LEPROTL1: variants seen among roughly 807,000 people sequenced by gnomAD.
LEPROTL1 encodes the protein leptin receptor overlapping transcript like 1.
In LEPROTL1, 6 loss-of-function variants were observed where a neutral mutation model predicts 15.4. The ratio of observed to expected loss-of-function variants is 0.39; its 90% CI spans 0.21 to 0.77. The LOEUF (loss-of-function observed/expected upper bound fraction) is 0.77. Among genes scored for constraint, LEPROTL1 ranks in the 30% least tolerant of loss-of-function variants. The pLI is 0.41. For synonymous variants in LEPROTL1, 56 were observed against 52.6 expected (o/e 1.06, Z -0.28); for missense variants, 128 against 158.1 (o/e 0.81, Z 1.02).
intron 3 of LEPROTL1, among the ~76,000 whole-genome samples, chr8:30,122,367 A>T (rs1802843172): frequency 6.6e-6 from 1 of 152,176 alleles, no homozygotes; most frequent in Admixed American, 6.5e-5. Context: ...GCTAGTCTCA[A>T]ACTCCTGTCC....
intron 1 of LEPROTL1, among the ~76,000 whole-genome samples, chr8:30,100,687 GATCCGCCC>G (rs1802451567): frequency 6.6e-6 from 1 of 152,194 alleles, no homozygotes; most frequent in African/African-American, 2.4e-5. Flanking sequence ...CCAACCTCAT[GATCCGCCC>G]GCCTTGGCCT....
rs1802341551 is a variant in LEPROTL1 at position 30,095,426 on chromosome 8, T to C, written c.-87T>C. 6 of 1,369,628 alleles carry C rather than the reference T, an allele frequency of 4.4e-6. No individual in the cohort carries two copies. The highest frequency in any genetic ancestry group is 5.8e-6 in the Non-Finnish European group (6 of 1,032,968). The allele number at this position is 1,369,628 out of a possible 1,614,324, so 84.8% of individuals were successfully genotyped here. On this transcript the variant is annotated 5_prime_UTR_variant, in exon 1 of 4. Transcript: ENST00000321250. ...GCGTCGCGCACTTCCGGGTGTTGTC[T>C]GGCCGCCGTAGCGCGTCTTGGGTCT...
Position 30,096,387 on chromosome 8 carries a change from G to T in LEPROTL1, c.16+859G>T, listed in dbSNP as rs923224882. On this transcript the variant is annotated intron_variant, in intron 1 of 3. Coordinates refer to ENST00000321250, the MANE Select transcript of LEPROTL1 (RefSeq NM_015344.3). ...ACTAATTACATTGATTTCTTGACCT[G>T]CCGCTCTGTAGAAGGGCAGTCAGGC... 3 of 985,234 alleles carry T rather than the reference G, an allele frequency of 3.0e-6. No homozygotes were observed. The African/African-American group carries it at 5.2e-5, about 17-fold the overall frequency. 61.0% of individuals were successfully genotyped at this position (985,234 alleles called of 1,614,324 possible). A position where few individuals can be genotyped will look rare whatever the true frequency, so the allele number is the denominator to read the frequency against.
intron 1 of LEPROTL1, among the ~76,000 whole-genome samples, chr8:30,100,043 C>T (rs549716325): frequency 6.6e-6 from 1 of 152,270 alleles, no homozygotes; most frequent in African/African-American, 2.4e-5. Context: ...ACTTGAAGTG[C>T]CTCGTTTGCT....
At position 30,104,302 on chromosome 8, in the gene LEPROTL1, A is replaced by T. The variant is rs375146835; in HGVS notation, c.95A>T (p.Lys32Ile). 1.3e-6 allele frequency: 2 copies of T among 1,483,452 alleles called. No individual in the cohort carries two copies. The highest frequency in any genetic ancestry group is 1.8e-6 in the Non-Finnish European group (2 of 1,108,688). 91.9% of individuals were successfully genotyped at this position (1,483,452 alleles called of 1,614,324 possible). The change falls in exon 3 of 4, where the codon AAA becomes ATA. Residue 32 changes from lysine to isoleucine, a missense_variant and splice_region_variant. Coordinates refer to ENST00000321250, the MANE Select transcript of LEPROTL1 (RefSeq NM_015344.3). ...TTAACTTATTTTTCTTTTTCTAGCA[A>T]ATACTGGCCCCTCTTTGTTCTATTT... ...MLGCALPIYNKYWPLFVLFFY... is the reference protein window; with the variant it reads ...MLGCALPIYNIYWPLFVLFFY...
chr8:30,096,091 C>G (rs1443209558), intron 1 of LEPROTL1: 1 of 170,266 alleles, frequency 5.9e-6, no homozygotes, highest in African/African-American at 2.4e-5. Flanking sequence ...TCTGCGGTGT[C>G]TGGACCCTAG....
At position 30,132,103 on chromosome 8, in the gene LEPROTL1, C is replaced by CA. The variant is rs1380730941; in HGVS notation, c.280-271dup. 8 of 1,551,740 alleles carry CA rather than the reference C, an allele frequency of 5.2e-6. No individual in the cohort carries two copies. In the South Asian group the frequency reaches 9.5e-5, roughly 18 times the overall value. ...GGCAATGATCAACTGGGTGTGGGCC[C>CA]AGGTGAGGGTTCTATAGAACAGCCT... On this transcript the variant is annotated intron_variant, in intron 3 of 4. Transcript: ENST00000442880.
intron 3 of LEPROTL1, among the ~76,000 whole-genome samples, chr8:30,125,942 T>A (rs1802898617): frequency 6.6e-6 from 1 of 152,226 alleles, no homozygotes; most frequent in Non-Finnish European, 1.5e-5. Context: ...TAAAATATAA[T>A]CACTATCCCT....
intron 3 of LEPROTL1, among the ~76,000 whole-genome samples, chr8:30,129,660 A>G (rs1585478969): frequency 6.6e-6 from 1 of 151,348 alleles, no homozygotes; most frequent in African/African-American, 2.4e-5. Flanking sequence ...AGCTGAGATC[A>G]CACCACTGCA....
At chr8:30,118,307 G>C (rs1238377250) in intron 3 of LEPROTL1, among the ~76,000 whole-genome samples, 1 of 152,094 alleles carries the variant, frequency 6.6e-6, no homozygotes, top group Non-Finnish European at 1.5e-5. Context: ...GAGCCACCAT[G>C]CCTGGCCAGA....
rs376796010 is a variant in LEPROTL1 at position 30,104,714 on chromosome 8, C to CTT, written c.279+243_279+244dup. 7.2e-3 allele frequency: 1,435 copies of CTT among 199,922 alleles called. 1 individual carries two copies. The highest frequency in any genetic ancestry group is 0.011 in the South Asian group (84 of 7,618). The allele number at this position is 199,922 out of a possible 1,614,324, so 12.4% of individuals were successfully genotyped here. The stretch of plus-strand genomic sequence containing the variant: ...TTGGCTTGCTAATACTTTTTTTTTT[C>CTT]TTTTTTTTTTTTTTTTGAGATGGAG... On this transcript the variant is annotated intron_variant, in intron 3 of 3. Coordinates refer to ENST00000321250, the MANE Select transcript of LEPROTL1 (RefSeq NM_015344.3).
chr8:30,110,347 G>C (rs1473433522), downstream of LEPROTL1, among the ~76,000 whole-genome samples: 1 of 152,110 alleles, frequency 6.6e-6, no homozygotes, highest in Non-Finnish European at 1.5e-5. Flanking sequence ...GCAGAGTTTT[G>C]TATTTAGAGG....
chr8:30,128,186 A>G (rs1045311676), intron 3 of LEPROTL1, among the ~76,000 whole-genome samples: 49 of 152,272 alleles, frequency 3.2e-4, no homozygotes, highest in East Asian at 1.5e-3. Flanking sequence ...CCTTAGATCA[A>G]TTCCCACAAA....
chr8:30,109,056 G>A (rs1802617256), downstream of LEPROTL1, among the ~76,000 whole-genome samples: 1 of 123,272 alleles, frequency 8.1e-6, no homozygotes, highest in Non-Finnish European at 1.6e-5. Flanking sequence ...AAAAAGTGCT[G>A]GGATTACAGG....
intron 3 of LEPROTL1, among the ~76,000 whole-genome samples, chr8:30,129,807 C>G (rs1459887126): frequency 2.0e-5 from 3 of 151,890 alleles, no homozygotes; most frequent in Non-Finnish European, 4.4e-5. Flanking sequence ...GTTTAATTGG[C>G]TCACAGTTTT....
At chr8:30,126,563 T>C (rs1311287508) in intron 3 of LEPROTL1, among the ~76,000 whole-genome samples, 1 of 152,142 alleles carries the variant, frequency 6.6e-6, no homozygotes, top group Non-Finnish European at 1.5e-5. Context: ...ACTACATAGA[T>C]AGAAAAAGGC....
At chr8:30,095,625 GCGCGCGCGTGGGGTC>G in intron 1 of LEPROTL1, 97 bp downstream of exon 1, 1 of 1,051,852 alleles carries the variant, frequency 9.5e-7, no homozygotes, top group Non-Finnish European at 1.2e-6. Flanking sequence ...CCGGGCTCGC[GCGCGCGCGTGGGGTC>G]CCTGCGCCGG....
At chr8:30,132,199 C>G in intron 3 of LEPROTL1, 2 of 1,551,872 alleles carry the variant, frequency 1.3e-6, no homozygotes, top group Non-Finnish European at 1.7e-6. Context: ...CATCACGGCC[C>G]AGCAAACGAA....
chr8:30,112,986 T>C (rs1181938043), downstream of LEPROTL1, among the ~76,000 whole-genome samples: 3 of 151,872 alleles, frequency 2.0e-5, no homozygotes, highest in South Asian at 2.1e-4. Context: ...GATACCCTTT[T>C]TGGCCAGGTG....
Sources: gnomAD v4.1 joint callset for allele counts (sites outside exome capture counted in the v4.1 genomes callset) on GRCh38, gnomAD v4.1.1 for gene constraint, MANE v1.5 for transcripts, NCBI Gene and HGNC (gene_info 2026-07-23, HGNC 2026-07-21) for gene names.